The following PLBD2 variants were observed in gnomAD, a reference collection of about 807,000 sequenced individuals.
PLBD2 encodes phospholipase B domain containing 2.
In PLBD2, 51 loss-of-function variants were observed where a neutral mutation model predicts 68.3. The ratio of observed to expected loss-of-function variants is 0.75; its 90% CI spans 0.60 to 0.94. The LOEUF is 0.94. Ranked by LOEUF, PLBD2 falls within the 40% of genes least tolerant of loss-of-function variation. The pLI, the probability that PLBD2 is intolerant of heterozygous loss-of-function variation, is 0.00. For synonymous variants in PLBD2, 314 were observed against 339.3 expected (o/e 0.93, Z 0.82); for missense variants, 729 against 792.2 (o/e 0.92, Z 0.96).
At chr12:113,366,069 G>A (rs559691723) in intron 1 of PLBD2, among the ~76,000 whole-genome samples, 2 of 152,218 alleles carry the variant, frequency 1.3e-5, no homozygotes, top group African/African-American at 2.4e-5. Flanking sequence ...CAGCCAGTAG[G>A]CACTCAAAAA....
At chr12:113,361,488 C>G (rs1392497682) in intron 1 of PLBD2, among the ~76,000 whole-genome samples, 2 of 151,644 alleles carry the variant, frequency 1.3e-5, no homozygotes, top group African/African-American at 4.8e-5. Flanking sequence ...TATAGATACG[C>G]ACCCCCATGC....
chr12:113,375,893 G>T (rs1295594088), intron 5 of PLBD2, among the ~76,000 whole-genome samples: 2 of 152,152 alleles, frequency 1.3e-5, no homozygotes, highest in Non-Finnish European at 2.9e-5. Flanking sequence ...TTGCTCTGGT[G>T]CCCAGGCTGG....
At chr12:113,370,538 G>A (rs1376658987) in intron 2 of PLBD2, among the ~76,000 whole-genome samples, 4 of 142,410 alleles carry the variant, frequency 2.8e-5, no homozygotes, top group African/African-American at 7.9e-5. Context: ...GTACAGTGGC[G>A]TGATCTTGGC....
chr12:113,384,041 G>T lies in PLBD2; in HGVS notation c.958-64G>T. 4.7e-5 allele frequency: 53 copies of T among 1,131,586 alleles called. No individual in the cohort carries two copies. The highest frequency in any genetic ancestry group is 2.2e-4 in the Middle Eastern group (1 of 4,486). The allele number at this position is 1,131,586 out of a possible 1,614,324, so 70.1% of individuals were successfully genotyped here. On this transcript the variant is annotated intron_variant, in intron 6 of 11. Coordinates refer to ENST00000280800, the MANE Select transcript of PLBD2 (RefSeq NM_173542.4). The surrounding 1 kb of genome is among the most constrained non-coding windows in gnomAD (Gnocchi z 4.2). ...AAAAATTTTTGGAGCCATGACTGATGAAGTACTGCCACTTGGTGGCAGCAT... is the reference window on the plus strand; with the variant it reads ...AAAAATTTTTGGAGCCATGACTGATTAAGTACTGCCACTTGGTGGCAGCAT...
In PLBD2 at chr12:113,372,638, C is replaced by G. The variant is rs780212213; in HGVS notation, c.385-11C>G. 9 of 1,611,706 alleles carry G rather than the reference C, an allele frequency of 5.6e-6. No individual in the cohort carries two copies. The highest frequency in any genetic ancestry group is 7.6e-6 in the Non-Finnish European group (9 of 1,178,380). ...TGCCCGCCCTTGCCTCGCCCACCCCCTACCCCACAGCTCATCTACATGCAC... is the reference window on the plus strand; with the variant it reads ...TGCCCGCCCTTGCCTCGCCCACCCCGTACCCCACAGCTCATCTACATGCAC... On this transcript the variant is annotated splice_polypyrimidine_tract_variant and intron_variant, in intron 2 of 11. Coordinates refer to ENST00000280800, the MANE Select transcript of PLBD2 (RefSeq NM_173542.4). The surrounding 1 kb of genome is among the most constrained non-coding windows in gnomAD (Gnocchi z 4.2).
chr12:113,385,660 T>A (rs886898769), intron 9 of PLBD2, among the ~76,000 whole-genome samples: 13 of 152,198 alleles, frequency 8.5e-5, no homozygotes, highest in Non-Finnish European at 1.8e-4. Context: ...GAGTTCCTGT[T>A]CCCATCTCAC....
intron 5 of PLBD2, among the ~76,000 whole-genome samples, chr12:113,378,888 TG>T (rs2136916052): frequency 6.6e-6 from 1 of 152,274 alleles, no homozygotes; most frequent in Admixed American, 6.5e-5. Context: ...TTCACCATGT[TG>T]GTAAGGCTGG....
chr12:113,372,528 G>A lies in PLBD2; in HGVS notation c.385-121G>A. On this transcript the variant is annotated intron_variant, in intron 2 of 11. Transcript: ENST00000280800. The surrounding 1 kb of genome is among the most constrained non-coding windows in gnomAD (Gnocchi z 4.2). ...GGAGCCTCCAGGGAGAGGACAGCAT[G>A]AGCAAGGACTCAGGTGGCCACACCA... is the stretch of plus-strand genomic sequence containing the variant. The A allele has an allele frequency of 1.9e-6, 2 of 1,063,114 alleles. No individual in the cohort carries two copies. The allele number at this position is 1,063,114 out of a possible 1,614,324, so 65.9% of individuals were successfully genotyped here.
At chr12:113,385,411 C>A in intron 9 of PLBD2, 128 bp downstream of exon 9, 3 of 825,774 alleles carry the variant, frequency 3.6e-6, no homozygotes, top group Non-Finnish European at 3.9e-6. Context: ...CCTTTTCTGG[C>A]CAGGAGAGCC....
intron 6 of PLBD2, 123 bp from the exon 7 acceptor site, chr12:113,383,982 G>A: frequency 2.4e-6 from 2 of 850,780 alleles, no homozygotes; most frequent in Non-Finnish European, 3.3e-6. Context: ...CTGGGCAAGA[G>A]TGAGACTCTA....
chr12:113,364,214 C>T (rs918087685), intron 1 of PLBD2, among the ~76,000 whole-genome samples: 12 of 152,234 alleles, frequency 7.9e-5, no homozygotes, highest in East Asian at 1.9e-4. Context: ...GCCTCAGTGC[C>T]GAGGCCTTGG....
intron 2 of PLBD2, among the ~76,000 whole-genome samples, chr12:113,371,666 C>A (rs1184572098): frequency 6.6e-6 from 1 of 152,266 alleles, no homozygotes; most frequent in African/African-American, 2.4e-5. Context: ...GCCCATGTGC[C>A]AGGCACTTTG....
Position 113,381,601 on chromosome 12 carries a change from G to A in PLBD2, c.957+759G>A, listed in dbSNP as rs539670678. On this transcript the variant is annotated intron_variant, in intron 6 of 11. Coordinates refer to ENST00000280800, the MANE Select transcript of PLBD2 (RefSeq NM_173542.4). ...GGAACGAGGCAAGAGAGGGCCAGGCGGTGGGTGAGGGAACCCCCATGCTGT... is the reference window on the plus strand; with the variant it reads ...GGAACGAGGCAAGAGAGGGCCAGGCAGTGGGTGAGGGAACCCCCATGCTGT... 7.9e-5 allele frequency among the ~76,000 whole-genome samples: 12 copies of A among 152,124 alleles called. 1 individual carries two copies. The East Asian group carries it at 1.4e-3, about 17-fold the overall frequency.
intron 1 of PLBD2, among the ~76,000 whole-genome samples, chr12:113,366,664 CAG>C (rs1277037962): frequency 3.3e-5 from 5 of 151,822 alleles, no homozygotes; most frequent in South Asian, 4.2e-4. Flanking sequence ...TTCGTGTAGA[CAG>C]AGTCTTGCTT....
chr12:113,385,082 T>A lies in PLBD2; in HGVS notation c.1215-130T>A, dbSNP rs1003723713. On this transcript the variant is annotated intron_variant, in intron 8 of 11. Transcript: ENST00000280800. The stretch of plus-strand genomic sequence containing the variant: ...TGGCTGGAAGAGAAGGTGTCCCTGG[T>A]GGGGGCTGAAGTTCAGGACTTAATC... 4.6e-6 allele frequency: 6 copies of A among 1,300,922 alleles called. No homozygotes were observed. The African/African-American group carries it at 7.3e-5, about 16-fold the overall frequency. The allele number at this position is 1,300,922 out of a possible 1,614,324, so 80.6% of individuals were successfully genotyped here.
intron 1 of PLBD2, among the ~76,000 whole-genome samples, chr12:113,365,242 C>T (rs987848887): frequency 1.3e-5 from 2 of 152,090 alleles, no homozygotes; most frequent in Non-Finnish European, 2.9e-5. Context: ...ATCACTTCAT[C>T]TAACTGTATT....
Position 113,359,020 on chromosome 12 carries a change from C to T in PLBD2, c.290+130C>T, listed in dbSNP as rs908003660. The T allele has an allele frequency of 6.6e-6, 7 of 1,056,618 alleles. No homozygotes were observed. In the East Asian group the frequency reaches 9.7e-5, roughly 15 times the overall value. 65.5% of individuals were successfully genotyped at this position (1,056,618 alleles called of 1,614,324 possible). On this transcript the variant is annotated intron_variant, in intron 1 of 11. Transcript: ENST00000280800. Reference sequence around the variant, plus strand: ...CGTTTCTCTGGGGGTCAGCTACTCCCGAGGCTGCAGCACCGCCCTGCGGGC... The same window carrying T: ...CGTTTCTCTGGGGGTCAGCTACTCCTGAGGCTGCAGCACCGCCCTGCGGGC...
intron 1 of PLBD2, among the ~76,000 whole-genome samples, chr12:113,362,720 G>A (rs1957306363): frequency 2.0e-5 from 3 of 151,694 alleles, no homozygotes; most frequent in Admixed American, 2.0e-4. Flanking sequence ...TCTCATAAAA[G>A]ATTGGCAATT....
intron 1 of PLBD2, among the ~76,000 whole-genome samples, chr12:113,359,679 T>C (rs1288081547): frequency 6.6e-6 from 1 of 152,228 alleles, no homozygotes; most frequent in Non-Finnish European, 1.5e-5. Context: ...AGTTGGGTGG[T>C]CATGTGCTGC....
Sources: allele counts gnomAD v4.1 joint callset (sites outside exome capture counted in the v4.1 genomes callset), GRCh38; gene constraint gnomAD v4.1.1; non-coding constraint Gnocchi (gnomAD v3.1); transcripts MANE v1.5; gene names NCBI Gene and HGNC (gene_info 2026-07-23, HGNC 2026-07-21).